Variants in KCNQ3 observed in about 807,000 individuals in gnomAD.
KCNQ3 encodes the protein potassium voltage-gated channel subfamily KQT member 3.
Under a neutral mutation model 92.5 loss-of-function variants are expected in KCNQ3, and 30 were observed. The observed-to-expected ratio is 0.32, with a 90% CI of 0.24 to 0.44. The LOEUF is 0.44. Among genes scored for constraint, KCNQ3 ranks in the 20% least tolerant of loss-of-function variants. The pLI is 1.00. For missense variants in KCNQ3, 913 were observed against 1,140.3 expected (o/e 0.80, Z 2.87); for synonymous variants, 450 against 468.8 (o/e 0.96, Z 0.52).
chr8:132,376,861 A>G (rs1321063674), intron 1 of KCNQ3, among the ~76,000 whole-genome samples: 1 of 152,222 alleles, frequency 6.6e-6, no homozygotes, highest in East Asian at 1.9e-4. Flanking sequence ...AGAGCAGAGC[A>G]CTAGTCCTGT....
chr8:132,291,819 C>T (rs901691522), intron 1 of KCNQ3, among the ~76,000 whole-genome samples: 1 of 152,128 alleles, frequency 6.6e-6, no homozygotes, highest in African/African-American at 2.4e-5. Context: ...GACAAAATAA[C>T]TTTAAAAACA....
intron 12 of KCNQ3, among the ~76,000 whole-genome samples, chr8:132,135,334 T>TATC: frequency 6.6e-6 from 1 of 152,274 alleles, no homozygotes; most frequent in Admixed American, 6.5e-5. Context: ...AAATGTTGCC[T>TATC]ATCACGCTGT....
Position 132,221,807 on chromosome 8 carries a change from A to G in KCNQ3, c.387-35626T>C, listed in dbSNP as rs550892898. Among the ~76,000 whole-genome samples the G allele has an allele frequency of 1.6e-3, 246 of 152,308 alleles. 1 individual carries two copies. The highest frequency in any genetic ancestry group is 3.4e-3 in the Middle Eastern group (1 of 294). On this transcript the variant is annotated intron_variant, in intron 1 of 14. Transcript: ENST00000388996. ...CTTTGACAAACCTGACAAAAACAAG[A>G]AATGGGGAAAGGATCCCCTATTTAA...
intron 9 of KCNQ3, among the ~76,000 whole-genome samples, chr8:132,149,797 G>A (rs181795070): frequency 6.6e-6 from 1 of 152,238 alleles, no homozygotes; most frequent in East Asian, 1.9e-4. Context: ...CGGCCATGCA[G>A]GGTAAGTATG....
chr8:132,169,177 T>C (rs904765448), intron 8 of KCNQ3, among the ~76,000 whole-genome samples: 1 of 152,154 alleles, frequency 6.6e-6, no homozygotes, highest in Non-Finnish European at 1.5e-5. Context: ...GCTCCAGGTG[T>C]GGACTCTGGG....
intron 1 of KCNQ3, among the ~76,000 whole-genome samples, chr8:132,319,029 C>A (rs186713793): frequency 6.6e-6 from 1 of 152,174 alleles, no homozygotes; most frequent in African/African-American, 2.4e-5. Flanking sequence ...GAACTATAAC[C>A]CCAAAAATGT....
In KCNQ3 at chr8:132,385,525, T is replaced by A. The variant is rs117214543; in HGVS notation, c.386+94622A>T. 2.6e-4 allele frequency among the ~76,000 whole-genome samples: 39 copies of A among 152,332 alleles called. No homozygotes were observed. The East Asian group carries it at 5.8e-3, about 23-fold the overall frequency. ...TGTCCTCAAGAATGGACTAATGTTA[T>A]CCAGGGAGTGGGTTAGTCATCTTGA... is the stretch of plus-strand genomic sequence containing the variant. On this transcript the variant is annotated intron_variant, in intron 1 of 14. Coordinates refer to ENST00000388996, the MANE Select transcript of KCNQ3 (RefSeq NM_004519.4).
chr8:132,364,019 T>A (rs1819245997), intron 1 of KCNQ3, among the ~76,000 whole-genome samples: 1 of 152,098 alleles, frequency 6.6e-6, no homozygotes, highest in Non-Finnish European at 1.5e-5. Context: ...AGCAGCAGCA[T>A]AATTTACCTC....
chr8:132,309,272 C>A (rs4736572), intron 1 of KCNQ3, among the ~76,000 whole-genome samples: 72,271 of 151,920 alleles, frequency 0.48, 17,570 homozygotes, highest in East Asian at 0.62. Context: ...TTATATTTAC[C>A]TCTATCTGAT....
intron 1 of KCNQ3, among the ~76,000 whole-genome samples, chr8:132,243,382 G>T (rs7017664): frequency 2.6e-5 from 4 of 152,014 alleles, no homozygotes; most frequent in African/African-American, 9.7e-5. Flanking sequence ...TCCTGGAGGA[G>T]GTGACAGGTG....
chr8:132,473,647 G>A (rs1822341603), intron 1 of KCNQ3, among the ~76,000 whole-genome samples: 1 of 152,166 alleles, frequency 6.6e-6, no homozygotes, highest in South Asian at 2.1e-4. Context: ...TTTCACAAGA[G>A]CCTATAACTT....
chr8:132,440,692 C>T (rs1821514845), intron 1 of KCNQ3, among the ~76,000 whole-genome samples: 1 of 152,162 alleles, frequency 6.6e-6, no homozygotes, highest in African/African-American at 2.4e-5. Flanking sequence ...CGAACTCCAC[C>T]TCTGCCCCTT....
intron 1 of KCNQ3, among the ~76,000 whole-genome samples, chr8:132,401,753 G>A (rs577147103): frequency 1.2e-4 from 19 of 152,300 alleles, no homozygotes; most frequent in African/African-American, 2.9e-4. Context: ...ACCACCCTCT[G>A]CCCTGCCCAC....
chr8:132,387,805 A>G (rs910691999), intron 1 of KCNQ3, among the ~76,000 whole-genome samples: 1 of 152,142 alleles, frequency 6.6e-6, no homozygotes, highest in African/African-American at 2.4e-5. Flanking sequence ...GTCTGAGACC[A>G]GCCTGGGAAG....
In KCNQ3 at chr8:132,126,601, T is replaced by C. The variant is rs1824676612; in HGVS notation, c.*2661A>G. On this transcript the variant is annotated 3_prime_UTR_variant, in exon 15 of 15. Coordinates refer to ENST00000388996, the MANE Select transcript of KCNQ3 (RefSeq NM_004519.4). ...TCATTCATAAAACATGTATTTTGTC[T>C]ATGTCTATACTGATAAAGACAACTT... 6.6e-6 allele frequency: 1 copy of C among 152,110 alleles called. No homozygotes were observed. The highest frequency in any genetic ancestry group is 1.5e-5 in the Non-Finnish European group (1 of 68,032). 9.4% of individuals were successfully genotyped at this position (152,110 alleles called of 1,614,324 possible). A position where few individuals can be genotyped will look rare whatever the true frequency, so the allele number is the denominator to read the frequency against.
intron 9 of KCNQ3, among the ~76,000 whole-genome samples, chr8:132,160,270 A>G (rs1825944166): frequency 6.6e-6 from 1 of 152,224 alleles, no homozygotes; most frequent in Non-Finnish European, 1.5e-5. Flanking sequence ...CATGACAGCC[A>G]CCTGTGTTGC....
intron 1 of KCNQ3, among the ~76,000 whole-genome samples, chr8:132,471,628 T>C (rs1282747200): frequency 6.6e-6 from 1 of 152,150 alleles, no homozygotes; most frequent in African/African-American, 2.4e-5. Context: ...CAACTCAAGA[T>C]GGATTAAAGA....
intron 1 of KCNQ3, among the ~76,000 whole-genome samples, chr8:132,233,498 G>T (rs931577553): frequency 6.6e-6 from 1 of 152,134 alleles, no homozygotes; most frequent in African/African-American, 2.4e-5. Flanking sequence ...ATGCATTTTG[G>T]GTTATCTTTG....
At chr8:132,451,732 A>G (rs749007966) in intron 1 of KCNQ3, among the ~76,000 whole-genome samples, 2 of 152,232 alleles carry the variant, frequency 1.3e-5, no homozygotes, top group Non-Finnish European at 2.9e-5. Flanking sequence ...ACATCTATCA[A>G]TGGATAACTG....
Sources: gnomAD v4.1 joint callset for allele counts (sites outside exome capture counted in the v4.1 genomes callset) on GRCh38, gnomAD v4.1.1 for gene constraint, MANE v1.5 for transcripts, NCBI Gene and HGNC (gene_info 2026-07-23, HGNC 2026-07-21) for gene names.